The following TLK1 variants were observed in gnomAD, a reference collection of about 807,000 sequenced individuals.
TLK1 encodes serine/threonine-protein kinase tousled-like 1.
TLK1 carries 24 observed loss-of-function variants against 105.3 expected under a neutral mutation model. The ratio of observed to expected loss-of-function variants is 0.23; its 90% CI spans 0.17 to 0.32. The LOEUF is 0.32. TLK1 is among the 10% of genes least tolerant of loss of function. The pLI is 1.00. For synonymous variants in TLK1, 321 were observed against 310.4 expected (o/e 1.03, Z -0.36); for missense variants, 558 against 910.5 (o/e 0.61, Z 4.98).
At chr2:171,216,062 C>G (rs1454978900) in intron 1 of TLK1, among the ~76,000 whole-genome samples, 1 of 152,152 alleles carries the variant, frequency 6.6e-6, no homozygotes, top group Non-Finnish European at 1.5e-5. Context: ...ATTTTACAGA[C>G]AGCAAACTGA....
intron 11 of TLK1, among the ~76,000 whole-genome samples, chr2:171,037,168 A>G (rs1320898599): frequency 6.6e-6 from 1 of 152,112 alleles, no homozygotes; most frequent in Non-Finnish European, 1.5e-5. Context: ...TGGGCCTGGC[A>G]CGTTGGCTCA....
chr2:171,062,185 C>T (rs1350132372), intron 3 of TLK1, among the ~76,000 whole-genome samples: 1 of 152,164 alleles, frequency 6.6e-6, no homozygotes, highest in East Asian at 1.9e-4. Context: ...TGGCACCAGG[C>T]CCTCAAATTC....
intron 1 of TLK1, among the ~76,000 whole-genome samples, chr2:171,230,556 C>T (rs1010652989): frequency 1.3e-5 from 2 of 152,194 alleles, no homozygotes; most frequent in Non-Finnish European, 2.9e-5. Context: ...AATCTCCACA[C>T]TTTGGACCAC....
At chr2:171,150,744 T>C (rs958579688) in intron 1 of TLK1, among the ~76,000 whole-genome samples, 1 of 152,196 alleles carries the variant, frequency 6.6e-6, no homozygotes, top group African/African-American at 2.4e-5. Context: ...ACTTGCAACC[T>C]TGGATCTAGC....
intron 1 of TLK1, among the ~76,000 whole-genome samples, chr2:171,229,883 A>G (rs1439391833): frequency 6.6e-6 from 1 of 152,192 alleles, no homozygotes; most frequent in East Asian, 1.9e-4. Flanking sequence ...CTGATTTTGC[A>G]CAAAGCTCCA....
chr2:171,177,603 T>C lies in TLK1; in HGVS notation c.-6+53542A>G, dbSNP rs151023358. On this transcript the variant is annotated intron_variant, in intron 1 of 20. Transcript: ENST00000521943. ...TAGGAACAGAACTGGTCATCAAAGA[T>C]ATACTTTACCATTTTGTTTAGAACC... is the stretch of plus-strand genomic sequence containing the variant. Among the ~76,000 whole-genome samples the C allele has an allele frequency of 2.5e-4, 38 of 152,320 alleles. 1 individual carries two copies. Among genetic ancestry groups the C allele is most frequent in the Middle Eastern group, 6.8e-3 (2 of 294 alleles).
At chr2:171,229,242 T>G (rs1300486323) in intron 1 of TLK1, among the ~76,000 whole-genome samples, 2 of 152,176 alleles carry the variant, frequency 1.3e-5, no homozygotes, top group Non-Finnish European at 2.9e-5. Context: ...AGGAAGGAAC[T>G]GGAAATCTCA....
At chr2:171,097,970 G>A (rs1689521685) in intron 2 of TLK1, among the ~76,000 whole-genome samples, 2 of 151,958 alleles carry the variant, frequency 1.3e-5, no homozygotes, top group African/African-American at 4.8e-5. Flanking sequence ...CGGGGAGAGA[G>A]AGGGAGAGAG....
intron 14 of TLK1, among the ~76,000 whole-genome samples, 164 bp downstream of exon 14, chr2:171,011,200 TATGTTGCCC>T (rs1684899999): frequency 6.6e-6 from 1 of 152,008 alleles, no homozygotes; most frequent in Non-Finnish European, 1.5e-5. Context: ...AAGGTCTCAC[TATGTTGCCC>T]AGGTTGGTCT....
At chr2:171,042,610 T>C (rs1422974983) in intron 11 of TLK1, among the ~76,000 whole-genome samples, 3 of 151,934 alleles carry the variant, frequency 2.0e-5, no homozygotes, top group Non-Finnish European at 2.9e-5. Context: ...GTGCTAGGCA[T>C]TGGGACTACA....
intron 1 of TLK1, among the ~76,000 whole-genome samples, chr2:171,119,293 G>T (rs1690556271): frequency 6.6e-6 from 1 of 151,994 alleles, no homozygotes; most frequent in Non-Finnish European, 1.5e-5. Context: ...CCTTTATTGA[G>T]AGGAAAAACC....
rs1392671788 is a variant in TLK1, at chr2:171,081,231, C to T, written c.330+1550G>A. On this transcript the variant is annotated intron_variant, in intron 3 of 20. Transcript: ENST00000431350. ...TATAGACTAATTCCTCTGAAAAAAT[C>T]CAAATATTAAATCTATAACTTATAT... 3.3e-5 allele frequency among the ~76,000 whole-genome samples: 5 copies of T among 152,052 alleles called. No homozygotes were observed. In the East Asian group the frequency reaches 7.7e-4, roughly 23 times the overall value.
chr2:171,068,171 A>T lies in TLK1; in HGVS notation c.331-7015T>A, dbSNP rs144666229. Reference sequence around the variant, plus strand: ...GCGAAACCCCACCTCTACTAAAAATACAAAAAAATTAGCCAGATCTGGTGG... The same window carrying T: ...GCGAAACCCCACCTCTACTAAAAATTCAAAAAAATTAGCCAGATCTGGTGG... On this transcript the variant is annotated intron_variant, in intron 3 of 20. Coordinates refer to ENST00000431350, the MANE Select transcript of TLK1 (RefSeq NM_012290.5). Among the ~76,000 whole-genome samples, 369 of 152,178 alleles carry T rather than the reference A, an allele frequency of 2.4e-3. 1 individual carries two copies. Among genetic ancestry groups the T allele is most frequent in the African/African-American group, 8.3e-3 (343 of 41,506 alleles).
At chr2:171,029,457 C>A (rs1685935584) in intron 11 of TLK1, among the ~76,000 whole-genome samples, 1 of 152,022 alleles carries the variant, frequency 6.6e-6, no homozygotes, top group Non-Finnish European at 1.5e-5. Context: ...TAGCAAAACC[C>A]CGTCTCAATC....
intron 11 of TLK1, among the ~76,000 whole-genome samples, chr2:171,041,702 C>T (rs930910362): frequency 1.3e-5 from 2 of 151,996 alleles, no homozygotes; most frequent in African/African-American, 4.8e-5. Flanking sequence ...CCCATGAAAA[C>T]ACTGTCTTCC....
At chr2:171,023,414 T>C (rs539748227) in intron 12 of TLK1, among the ~76,000 whole-genome samples, 5 of 147,534 alleles carry the variant, frequency 3.4e-5, no homozygotes, top group African/African-American at 9.9e-5. Context: ...CACTCACACA[T>C]ACACACACAC....
At chr2:171,078,865 A>G (rs941080911) in intron 3 of TLK1, among the ~76,000 whole-genome samples, 4 of 152,108 alleles carry the variant, frequency 2.6e-5, no homozygotes, top group African/African-American at 7.2e-5. Flanking sequence ...TGTCCCTCCA[A>G]CGCAATCCTC....
chr2:171,046,380 AAT>A lies in TLK1; in HGVS notation c.981-20_981-19del. On this transcript the variant is annotated intron_variant, in intron 10 of 20. Transcript: ENST00000431350. ...CTTGTTGCCTGTGTAAAAATAAACA[AAT>A]AAAACCATATTAACCTTCCATTACT... 6.4e-7 allele frequency: 1 copy of A among 1,574,236 alleles called. No homozygotes were observed.
At chr2:171,080,228 A>T (rs887007599) in intron 3 of TLK1, among the ~76,000 whole-genome samples, 1 of 151,280 alleles carries the variant, frequency 6.6e-6, no homozygotes, top group Admixed American at 6.6e-5. Flanking sequence ...TAAACCTTCC[A>T]GTACTATTTG....
Sources: allele counts gnomAD v4.1 joint callset (sites outside exome capture counted in the v4.1 genomes callset), GRCh38; gene constraint gnomAD v4.1.1; transcripts MANE v1.5; gene names NCBI Gene and HGNC (gene_info 2026-07-23, HGNC 2026-07-21).